The following ADARB2 variants were observed in gnomAD, a reference collection of about 807,000 sequenced individuals.
ADARB2 encodes the protein inactive double-stranded RNA-specific editase B2.
Under a neutral mutation model 62.2 loss-of-function variants are expected in ADARB2, and 25 were observed. The ratio of observed to expected loss-of-function variants is 0.40; its 90% CI spans 0.29 to 0.56. The LOEUF (loss-of-function observed/expected upper bound fraction) is 0.56, where lower values mean the gene tolerates loss of function less well. ADARB2 is among the 20% of genes least tolerant of loss of function. The probability of loss-of-function intolerance (pLI) is 0.43; values close to 1 mark genes in which losing one functional copy is unlikely to be tolerated. For missense variants in ADARB2, 1,071 were observed against 1,077.4 expected (o/e 0.99, Z 0.08); for synonymous variants, 572 against 500.8 (o/e 1.14, Z -1.90).
At chr10:1,518,243 A>C (rs1030006543) in intron 1 of ADARB2, among the ~76,000 whole-genome samples, 1 of 152,196 alleles carries the variant, frequency 6.6e-6, no homozygotes, top group African/African-American at 2.4e-5. Context: ...GTGAAGTCAG[A>C]AAAAGTGAAC....
Position 1,330,096 on chromosome 10 carries a change from A to G in ADARB2, c.1077+32932T>C, listed in dbSNP as rs557501599. On this transcript the variant is annotated intron_variant, in intron 3 of 9. Transcript: ENST00000381312. ...TAGGGAATACCTGGATAATCAGTGAATTTTGCCCACGTTCTTTTGTGTGTA... is the reference window on the plus strand; with the variant it reads ...TAGGGAATACCTGGATAATCAGTGAGTTTTGCCCACGTTCTTTTGTGTGTA... 5.0e-4 allele frequency among the ~76,000 whole-genome samples: 76 copies of G among 152,204 alleles called. 1 individual carries two copies. The highest frequency in any genetic ancestry group is 1.7e-3 in the African/African-American group (69 of 41,526).
chr10:1,394,381 C>G (rs1001933222), intron 1 of ADARB2, among the ~76,000 whole-genome samples: 2 of 152,240 alleles, frequency 1.3e-5, no homozygotes, highest in Non-Finnish European at 2.9e-5. Flanking sequence ...GTTGCCCTCA[C>G]TGCACCTGTT....
At chr10:1,341,667 A>AGCT (rs1490137125) in intron 3 of ADARB2, among the ~76,000 whole-genome samples, 8 of 136,060 alleles carry the variant, frequency 5.9e-5, no homozygotes, top group African/African-American at 2.3e-4. Flanking sequence ...AATCAGCATC[A>AGCT]GCTAGAGAAC....
intron 8 of ADARB2, among the ~76,000 whole-genome samples, chr10:1,193,438 A>G (rs551942101): frequency 6.6e-6 from 1 of 152,326 alleles, no homozygotes; most frequent in East Asian, 1.9e-4. Context: ...AAGATATGGG[A>G]CAAAGGGACT....
intron 4 of ADARB2, among the ~76,000 whole-genome samples, chr10:1,253,104 T>C (rs559211207): frequency 6.6e-6 from 1 of 152,338 alleles, no homozygotes; most frequent in African/African-American, 2.4e-5. Context: ...TGTTCAGTTA[T>C]CTTGTTTGGA....
At chr10:1,514,245 T>C (rs998466160) in intron 1 of ADARB2, among the ~76,000 whole-genome samples, 5 of 141,876 alleles carry the variant, frequency 3.5e-5, no homozygotes, top group African/African-American at 1.3e-4. Context: ...AAAATATACT[T>C]GATATTGCTG....
At chr10:1,471,660 T>C (rs1185651859) in intron 1 of ADARB2, among the ~76,000 whole-genome samples, 1 of 152,266 alleles carries the variant, frequency 6.6e-6, no homozygotes, top group African/African-American at 2.4e-5. Flanking sequence ...CCCAAAGTGC[T>C]GGGATTATAG....
intron 3 of ADARB2, among the ~76,000 whole-genome samples, chr10:1,329,695 GAT>G (rs1831909973): frequency 6.6e-6 from 1 of 152,152 alleles, no homozygotes; most frequent in Admixed American, 6.5e-5. Flanking sequence ...CTGTTTATTC[GAT>G]GGTGTGGGAC....
rs370801244 is a variant in ADARB2, at chr10:1,306,596, C to A, written c.1078-35527G>T. 1.3e-5 allele frequency among the ~76,000 whole-genome samples: 2 copies of A among 148,720 alleles called. 1 individual carries two copies. Among genetic ancestry groups the A allele is most frequent in the Non-Finnish European group, 3.0e-5 (2 of 66,920 alleles). ...TATGGAACCAAAAAAGAGCCCGCAT[C>A]GCTAAGTCAATCCTAAGCCAAAAGA... On this transcript the variant is annotated intron_variant, in intron 3 of 9. Transcript: ENST00000381312.
intron 3 of ADARB2, among the ~76,000 whole-genome samples, chr10:1,354,717 T>C (rs1832177224): frequency 6.6e-6 from 1 of 152,234 alleles, no homozygotes; most frequent in Non-Finnish European, 1.5e-5. Context: ...CTCTCTCGGA[T>C]GCACCTCTTT....
intron 1 of ADARB2, among the ~76,000 whole-genome samples, chr10:1,510,058 T>C (rs1445648187): frequency 6.6e-6 from 1 of 150,940 alleles, no homozygotes; most frequent in African/African-American, 2.5e-5. Flanking sequence ...CTTCTCTCTC[T>C]CTCACTCTTT....
intron 3 of ADARB2, among the ~76,000 whole-genome samples, chr10:1,303,614 A>C (rs1378835241): frequency 2.6e-5 from 4 of 151,648 alleles, no homozygotes; most frequent in South Asian, 2.1e-4. Flanking sequence ...AAAAATGTTA[A>C]GGGCAGCCAG....
intron 1 of ADARB2, chr10:1,534,847 C>T (rs901324877): frequency 7.2e-6 from 1 of 139,180 alleles, no homozygotes; most frequent in Non-Finnish European, 1.7e-5. Flanking sequence ...GCGGCACTCC[C>T]CAGACAGGCC....
rs556824741 is a variant in ADARB2, at chr10:1,480,628, G to A, written c.101-101468C>T. On this transcript the variant is annotated intron_variant, in intron 1 of 9. Coordinates refer to ENST00000381312, the MANE Select transcript of ADARB2 (RefSeq NM_018702.4). ...TAGGAGAATGGTGTGAACCTGGGAG[G>A]CGGAGCTTGCAGTGAGCTGAGATTG... 5.3e-5 allele frequency among the ~76,000 whole-genome samples: 8 copies of A among 149,930 alleles called. No homozygotes were observed. The East Asian group carries it at 1.6e-3, about 31-fold the overall frequency.
chr10:1,468,349 G>A (rs933324943), intron 1 of ADARB2, among the ~76,000 whole-genome samples: 1 of 152,144 alleles, frequency 6.6e-6, no homozygotes, highest in Non-Finnish European at 1.5e-5. Context: ...CTGTTAGTCC[G>A]GGTCCCTGAT....
chr10:1,400,545 G>C (rs1201125940), intron 1 of ADARB2, among the ~76,000 whole-genome samples: 1 of 152,106 alleles, frequency 6.6e-6, no homozygotes, highest in Admixed American at 6.5e-5. Context: ...GGTAAAATTA[G>C]ATCTAAAACT....
At chr10:1,251,166 ACTTGGAAACAAG>A (rs1831034307) in intron 4 of ADARB2, among the ~76,000 whole-genome samples, 1 of 144,344 alleles carries the variant, frequency 6.9e-6, no homozygotes, top group African/African-American at 2.9e-5. Context: ...AATTGCCAAA[ACTTGGAAACAAG>A]CAAGATATCT....
intron 4 of ADARB2, among the ~76,000 whole-genome samples, chr10:1,252,084 A>G (rs1319007407): frequency 6.6e-6 from 1 of 152,188 alleles, no homozygotes; most frequent in Admixed American, 6.5e-5. Context: ...TCTCTAGACA[A>G]TGTCTGGGAA....
At chr10:1,613,741 A>G (rs186690016) in intron 1 of ADARB2, among the ~76,000 whole-genome samples, 1 of 152,364 alleles carries the variant, frequency 6.6e-6, no homozygotes, top group East Asian at 1.9e-4. Flanking sequence ...CTTTATGATT[A>G]GAACACGATG....
Sources: allele counts gnomAD v4.1 joint callset (sites outside exome capture counted in the v4.1 genomes callset), GRCh38; gene constraint gnomAD v4.1.1; transcripts MANE v1.5; gene names NCBI Gene and HGNC (gene_info 2026-07-23, HGNC 2026-07-21).